THSD7A: variants seen among roughly 807,000 people sequenced by gnomAD.
THSD7A encodes thrombospondin type 1 domain containing 7A.
A neutral mutation model predicts 231.3 loss-of-function variants in THSD7A; 96 were observed. That is an observed-to-expected ratio of 0.41 (90% CI 0.35 to 0.49). THSD7A has a LOEUF of 0.49. Among genes scored for constraint, THSD7A ranks in the 20% least tolerant of loss-of-function variants. The pLI, the probability that THSD7A is intolerant of heterozygous loss-of-function variation, is 0.05. For missense variants in THSD7A, 2,290 were observed against 2,070.2 expected (o/e 1.11, Z -2.06); for synonymous variants, 940 against 743.3 (o/e 1.26, Z -4.30).
chr7:11,806,813 C>T (rs911871409), intron 1 of THSD7A, among the ~76,000 whole-genome samples: 3 of 152,080 alleles, frequency 2.0e-5, no homozygotes, highest in African/African-American at 7.2e-5. Context: ...CAAGTGCTAG[C>T]CCCAAGCATT....
At chr7:11,697,578 G>T (rs758444783) in intron 1 of THSD7A, among the ~76,000 whole-genome samples, 3 of 151,094 alleles carry the variant, frequency 2.0e-5, no homozygotes, top group Non-Finnish European at 4.4e-5. Flanking sequence ...ACCCAAGCAG[G>T]AGGCATCTAG....
At chr7:11,582,804 G>A (rs951441554) in intron 4 of THSD7A, among the ~76,000 whole-genome samples, 2 of 151,872 alleles carry the variant, frequency 1.3e-5, no homozygotes, top group African/African-American at 4.8e-5. Context: ...TGTTTTTCTT[G>A]TCTCTATTCC....
intron 4 of THSD7A, among the ~76,000 whole-genome samples, chr7:11,578,500 C>A (rs749699470): frequency 3.9e-5 from 6 of 152,110 alleles, no homozygotes; most frequent in Non-Finnish European, 8.8e-5. Context: ...CAGACCTCTG[C>A]TAAGAATGAT....
chr7:11,698,721 T>C lies in THSD7A; in HGVS notation c.191-61760A>G, dbSNP rs115660425. Among the ~76,000 whole-genome samples the C allele has an allele frequency of 6.6e-3, 1,003 of 151,440 alleles. 12 individuals are homozygous for C. The highest frequency in any genetic ancestry group is 0.023 in the African/African-American group (968 of 41,410). ...CTTAGGTTAAAAACAACACTTCAAA[T>C]TGGAAATCATCCAACATTGAAAGGA... On this transcript the variant is annotated intron_variant, in intron 1 of 27. Coordinates refer to ENST00000423059, the MANE Select transcript of THSD7A (RefSeq NM_015204.3).
chr7:11,683,962 C>T (rs999907807), intron 1 of THSD7A, among the ~76,000 whole-genome samples: 115 of 152,040 alleles, frequency 7.6e-4, no homozygotes, highest in Middle Eastern at 3.4e-3. Context: ...TCCTGATCAA[C>T]ATAGATGCAA....
chr7:11,433,647 C>T (rs956588426), intron 13 of THSD7A, among the ~76,000 whole-genome samples: 2 of 151,928 alleles, frequency 1.3e-5, no homozygotes, highest in African/African-American at 4.8e-5. Flanking sequence ...CAAAATGTCT[C>T]TCAAAAGTAA....
intron 6 of THSD7A, among the ~76,000 whole-genome samples, chr7:11,502,446 T>C (rs551288136): frequency 6.6e-6 from 1 of 152,150 alleles, no homozygotes; most frequent in East Asian, 1.9e-4. Context: ...CATTATCAAG[T>C]AGGCTTCATC....
intron 1 of THSD7A, among the ~76,000 whole-genome samples, chr7:11,701,027 G>T (rs553407648): frequency 6.6e-6 from 1 of 151,112 alleles, no homozygotes. Context: ...AAAAGAAAAT[G>T]CTATTTGTAA....
chr7:11,461,985 C>T (rs775032049), intron 10 of THSD7A, 26 bp downstream of exon 10: 5 of 1,608,892 alleles, frequency 3.1e-6, no homozygotes, highest in South Asian at 2.2e-5. Context: ...CAGCTCCTCC[C>T]TCACGATGCA....
intron 1 of THSD7A, among the ~76,000 whole-genome samples, chr7:11,698,972 ATT>A (rs58228910): frequency 0.32 from 45,934 of 142,518 alleles, 7,876 homozygotes; most frequent in African/African-American, 0.51. Context: ...AATGTCACTG[ATT>A]TTTTTTTTTT....
At chr7:11,682,990 C>T (rs1783925030) in intron 1 of THSD7A, among the ~76,000 whole-genome samples, 1 of 151,578 alleles carries the variant, frequency 6.6e-6, no homozygotes, top group South Asian at 2.1e-4. Context: ...GGCACGGTGG[C>T]AGGTGTCCAT....
At chr7:11,559,406 G>T (rs1789986224) in intron 4 of THSD7A, among the ~76,000 whole-genome samples, 2 of 152,030 alleles carry the variant, frequency 1.3e-5, no homozygotes, top group South Asian at 4.1e-4. Flanking sequence ...TTGGTGGAGG[G>T]TTATAAGAGT....
chr7:11,614,915 G>GA (rs1189961304), intron 2 of THSD7A, among the ~76,000 whole-genome samples: 4 of 152,126 alleles, frequency 2.6e-5, no homozygotes, highest in Non-Finnish European at 5.9e-5. Context: ...TTGTAAAAAA[G>GA]AAAGTGAAAT....
intron 23 of THSD7A, among the ~76,000 whole-genome samples, chr7:11,396,369 A>G (rs1783187029): frequency 6.6e-6 from 1 of 152,190 alleles, no homozygotes; most frequent in South Asian, 2.1e-4. Flanking sequence ...AAGATCAACA[A>G]TTTAGATATA....
intron 6 of THSD7A, among the ~76,000 whole-genome samples, chr7:11,533,492 C>A (rs1368729294): frequency 6.6e-6 from 1 of 152,066 alleles, no homozygotes; most frequent in East Asian, 1.9e-4. Context: ...GGAACCAACC[C>A]AAATGTCCAT....
At chr7:11,643,889 A>G (rs1317550073) in intron 1 of THSD7A, among the ~76,000 whole-genome samples, 2 of 151,990 alleles carry the variant, frequency 1.3e-5, no homozygotes, top group Non-Finnish European at 2.9e-5. Flanking sequence ...GTAGTATTGC[A>G]AAAGTGCCCA....
At chr7:11,578,237 A>G (rs554029195) in intron 4 of THSD7A, among the ~76,000 whole-genome samples, 1 of 152,328 alleles carries the variant, frequency 6.6e-6, no homozygotes, top group South Asian at 2.1e-4. Context: ...AGCAATTAAT[A>G]TTCATTTGGC....
Position 11,372,879 on chromosome 7 carries a change from A to G in THSD7A, c.*2915T>C, listed in dbSNP as rs1782111331. ...ACAAAAATAAGGCCATTTTCATGTT[A>G]TAAACATGAATATAATAACCTTCCC... is the stretch of plus-strand genomic sequence containing the variant. On this transcript the variant is annotated 3_prime_UTR_variant, in exon 28 of 28. Coordinates refer to ENST00000423059, the MANE Select transcript of THSD7A (RefSeq NM_015204.3). 1 of 152,106 alleles carries G rather than the reference A, an allele frequency of 6.6e-6. No individual in the cohort carries two copies. Among genetic ancestry groups the G allele is most frequent in the African/African-American group, 2.4e-5 (1 of 41,442 alleles). 9.4% of individuals were successfully genotyped at this position (152,106 alleles called of 1,614,324 possible).
intron 1 of THSD7A, among the ~76,000 whole-genome samples, chr7:11,724,477 T>C (rs1198890140): frequency 6.6e-6 from 1 of 151,872 alleles, no homozygotes; most frequent in Non-Finnish European, 1.5e-5. Context: ...ATACAGAATG[T>C]TACTGTGGAT....
Sources: gnomAD v4.1 joint callset for allele counts (sites outside exome capture counted in the v4.1 genomes callset) on GRCh38, gnomAD v4.1.1 for gene constraint, MANE v1.5 for transcripts, NCBI Gene and HGNC (gene_info 2026-07-23, HGNC 2026-07-21) for gene names.